SCN11A: variants seen among roughly 807,000 people sequenced by gnomAD.
SCN11A encodes the protein sodium voltage-gated channel alpha subunit 11, also known as sodium channel protein type 11 subunit alpha.
A neutral mutation model predicts 162.2 loss-of-function variants in SCN11A; 122 were observed. The observed-to-expected ratio is 0.75, with a 90% confidence interval of 0.65 to 0.87. The LOEUF (loss-of-function observed/expected upper bound fraction) is 0.87. SCN11A is among the 40% of genes least tolerant of loss of function. The pLI, the probability that SCN11A is intolerant of heterozygous loss-of-function variation, is 0.00. For missense variants in SCN11A, 2,015 were observed against 2,181.6 expected, an observed-to-expected ratio of 0.92 and a Z score of 1.52; for synonymous variants, 758 against 751.5, an observed-to-expected ratio of 1.01 and a Z score of -0.14.
intron 2 of SCN11A, among the ~76,000 whole-genome samples, chr3:38,988,684 A>G (rs563897122): frequency 3.3e-5 from 5 of 152,346 alleles, no homozygotes; most frequent in African/African-American, 1.2e-4. Flanking sequence ...TAAGACTGCT[A>G]GGCTTTAAAG....
intron 2 of SCN11A, among the ~76,000 whole-genome samples, chr3:39,027,440 A>G (rs898894698): frequency 3.5e-4 from 54 of 152,340 alleles, no homozygotes; most frequent in African/African-American, 1.3e-3. Flanking sequence ...GGGTCAGTGC[A>G]TGATAGTGAG....
chr3:38,913,389 T>G (rs1005989951), intron 11 of SCN11A, among the ~76,000 whole-genome samples: 1 of 152,224 alleles, frequency 6.6e-6, no homozygotes, highest in Admixed American at 6.5e-5. Context: ...CTTTAACAGA[T>G]GCATAGTTTG....
intron 28 of SCN11A, among the ~76,000 whole-genome samples, chr3:38,862,751 G>A (rs1162978916): frequency 2.0e-5 from 3 of 152,062 alleles, no homozygotes; most frequent in Admixed American, 2.0e-4. Flanking sequence ...AGATGGGTGG[G>A]AAGAGGGTGA....
intron 17 of SCN11A, among the ~76,000 whole-genome samples, chr3:38,898,783 T>G (rs1287527598): frequency 2.6e-5 from 4 of 152,098 alleles, no homozygotes; most frequent in Non-Finnish European, 5.9e-5. Context: ...TGCAGGTCAG[T>G]AAGGCTTCTG....
At chr3:38,870,821 G>A (rs935119772) in intron 25 of SCN11A, 77 bp from the exon 26 acceptor site, 7 of 1,229,752 alleles carry the variant, frequency 5.7e-6, no homozygotes, top group Non-Finnish European at 8.4e-6. Context: ...GGAAAAGCAG[G>A]TGAGGCCCAG....
chr3:38,869,437 T>C (rs2065090759), intron 26 of SCN11A, among the ~76,000 whole-genome samples: 1 of 152,126 alleles, frequency 6.6e-6, no homozygotes, highest in South Asian at 2.1e-4. Flanking sequence ...ACATTGTATA[T>C]ATAAATATTA....
intron 2 of SCN11A, among the ~76,000 whole-genome samples, chr3:39,010,630 G>A (rs968226805): frequency 7.2e-5 from 11 of 151,982 alleles, no homozygotes; most frequent in Admixed American, 3.3e-4. Flanking sequence ...CACCCGCCTC[G>A]GCCTCCCAAA....
At chr3:39,042,974 A>AAAAAAAAAAAAAAAAAAAAAAAG (rs56332636) in intron 1 of SCN11A, among the ~76,000 whole-genome samples, 2 of 103,660 alleles carry the variant, frequency 1.9e-5, no homozygotes, top group African/African-American at 5.4e-5. Context: ...AAAAAAAAAA[A>AAAAAAAAAAAAAAAAAAAAAAAG]AAAAAGAAAA....
chr3:38,966,449 G>A (rs1054277015), intron 2 of SCN11A, among the ~76,000 whole-genome samples: 1 of 152,194 alleles, frequency 6.6e-6, no homozygotes, highest in Non-Finnish European at 1.5e-5. Flanking sequence ...TAAGAGGAGA[G>A]AGTAGCAAGG....
chr3:38,921,370 G>T, intron 9 of SCN11A, 115 bp from the exon 10 acceptor site: 1 of 903,842 alleles, frequency 1.1e-6, no homozygotes, highest in South Asian at 1.7e-5. Context: ...GCTGGAACTG[G>T]ACTCCAGCCT....
chr3:38,874,032 G>A (rs1474691984), intron 23 of SCN11A, among the ~76,000 whole-genome samples: 1 of 152,086 alleles, frequency 6.6e-6, no homozygotes, highest in Non-Finnish European at 1.5e-5. Flanking sequence ...AGTACACTGG[G>A]CAGATGTGTG....
chr3:38,900,185 G>A (rs2065676527), intron 16 of SCN11A, 112 bp from the exon 17 acceptor site: 8 of 767,102 alleles, frequency 1.0e-5, no homozygotes, highest in Middle Eastern at 2.5e-4. Flanking sequence ...TCTCATGATT[G>A]ACACACTATA....
At chr3:38,849,658 C>T (rs1484137649) in intron 29 of SCN11A, 1 of 152,124 alleles carries the variant, frequency 6.6e-6, no homozygotes, top group Non-Finnish European at 1.5e-5. Flanking sequence ...TTAATTAAAA[C>T]CAGACTTCAA....
rs73828709 is a variant in SCN11A at position 38,910,105 on chromosome 3, C to T, written c.1062G>A (p.Arg354=). 3.1e-3 allele frequency: 4,954 copies of T among 1,613,754 alleles called. 133 individuals are homozygous for T. In the African/African-American group the frequency reaches 0.058, roughly 19 times the overall value. The change falls in exon 12 of 30, where the codon CGG becomes CGA. Residue 354 remains arginine, a synonymous_variant. Coordinates refer to ENST00000302328, the MANE Select transcript of SCN11A (RefSeq NM_001349253.2). ...NFGWSFLAMF[R]LMTQDSWEKL... ...TCTCCCAGGAATCTTGGGTCATCAGCCGGAACATGGCAAGAAAAGACCAGC... is the reference window on the plus strand; with the variant it reads ...TCTCCCAGGAATCTTGGGTCATCAGTCGGAACATGGCAAGAAAAGACCAGC...
In SCN11A at chr3:38,857,100, T is replaced by C. The variant is rs1272067866; in HGVS notation, c.4056+6095A>G. Reference sequence around the variant, plus strand: ...TGGTAATATGACAAAATAGGTTCTATAACACCTCCAAAAGATCATACTAGC... The same window carrying C: ...TGGTAATATGACAAAATAGGTTCTACAACACCTCCAAAAGATCATACTAGC... On this transcript the variant is annotated intron_variant, in intron 28 of 29. Coordinates refer to ENST00000302328, the MANE Select transcript of SCN11A (RefSeq NM_001349253.2). Among the ~76,000 whole-genome samples the C allele has an allele frequency of 7.2e-5, 11 of 152,274 alleles. No individual in the cohort carries two copies. In the East Asian group the frequency reaches 1.7e-3, roughly 24 times the overall value.
Position 38,921,052 on chromosome 3 carries a change from G to A in SCN11A, c.892+24C>T, listed in dbSNP as rs199871211. On this transcript the variant is annotated intron_variant, in intron 10 of 29. Transcript: ENST00000302328. ...AAGTTAACCATGCAAAAACCAAGGA[G>A]TGAAAGAAAGGTTGGGTATTTACCA... 583 of 1,608,908 alleles carry A rather than the reference G, an allele frequency of 3.6e-4. 3 individuals carry two copies. The highest frequency in any genetic ancestry group is 1.6e-4 in the Non-Finnish European group (192 of 1,175,558).
intron 2 of SCN11A, among the ~76,000 whole-genome samples, chr3:39,003,146 G>A (rs1425842887): frequency 5.9e-5 from 9 of 152,066 alleles, no homozygotes; most frequent in East Asian, 1.9e-4. Context: ...GTCCAGTACC[G>A]AATAGCTATC....
intron 1 of SCN11A, among the ~76,000 whole-genome samples, chr3:39,048,914 C>G (rs2032252655): frequency 6.6e-6 from 1 of 152,214 alleles, no homozygotes; most frequent in South Asian, 2.1e-4. Context: ...TAGGCCAACA[C>G]CAGTATCAGT....
At chr3:38,933,741 C>G (rs1244545495) in intron 7 of SCN11A, among the ~76,000 whole-genome samples, 1 of 152,170 alleles carries the variant, frequency 6.6e-6, no homozygotes, top group Non-Finnish European at 1.5e-5. Flanking sequence ...ACCAAATCTA[C>G]GTCTGATTGG....
Sources: allele counts gnomAD v4.1 joint callset (sites outside exome capture counted in the v4.1 genomes callset), GRCh38; gene constraint gnomAD v4.1.1; transcripts MANE v1.5; gene names NCBI Gene and HGNC (gene_info 2026-07-23, HGNC 2026-07-21).